Variants in CSGALNACT1 observed in about 807,000 individuals in gnomAD.
CSGALNACT1 encodes beta4GalNAcT-1.
A neutral mutation model predicts 51.0 loss-of-function variants in CSGALNACT1; 52 were observed. The observed-to-expected ratio is 1.02, with a 90% CI of 0.82 to 1.29. The LOEUF (loss-of-function observed/expected upper bound fraction) is 1.29, where lower values mean the gene tolerates loss of function less well. Among genes scored for constraint, CSGALNACT1 ranks in the 50% most tolerant of loss-of-function variants. The probability of loss-of-function intolerance (pLI) is 0.00; values close to 1 mark genes in which losing one functional copy is unlikely to be tolerated. For missense variants in CSGALNACT1, 935 were observed against 679.2 expected (o/e 1.38, Z -4.19); for synonymous variants, 341 against 254.4 (o/e 1.34, Z -3.24).
intron 1 of CSGALNACT1, among the ~76,000 whole-genome samples, chr8:19,653,239 G>C (rs1192819583): frequency 1.3e-5 from 2 of 152,062 alleles, no homozygotes; most frequent in African/African-American, 2.4e-5. Flanking sequence ...TCCTGTCCTT[G>C]TAGCTTTCTC....
intron 5 of CSGALNACT1, among the ~76,000 whole-genome samples, chr8:19,447,428 A>T (rs1355067334): frequency 6.6e-6 from 1 of 152,150 alleles, no homozygotes; most frequent in East Asian, 1.9e-4. Context: ...GATATGATGG[A>T]CTGGTGACAG....
At chr8:19,698,986 T>C (rs755299693) in intron 1 of CSGALNACT1, among the ~76,000 whole-genome samples, 2 of 152,200 alleles carry the variant, frequency 1.3e-5, no homozygotes, top group Non-Finnish European at 1.5e-5. Context: ...TCATAATACC[T>C]GACGCAATGT....
In CSGALNACT1 at chr8:19,420,178, G is replaced by A. The variant is rs140518084; in HGVS notation, c.1132+162C>T. 5.1e-4 allele frequency among the ~76,000 whole-genome samples: 77 copies of A among 152,242 alleles called. 1 individual carries two copies. The highest frequency in any genetic ancestry group is 1.5e-3 in the African/African-American group (64 of 41,536). ...TCTCAGGTGTGTCTTTATTAGCCGCGTGAGAACAGACTAATACAGATGGTT... is the reference window on the plus strand; with the variant it reads ...TCTCAGGTGTGTCTTTATTAGCCGCATGAGAACAGACTAATACAGATGGTT... On this transcript the variant is annotated intron_variant, in intron 7 of 9. Coordinates refer to ENST00000454498, the Ensembl canonical transcript of CSGALNACT1.
At chr8:19,424,422 C>T (rs977858565) in intron 6 of CSGALNACT1, among the ~76,000 whole-genome samples, 1 of 152,154 alleles carries the variant, frequency 6.6e-6, no homozygotes, top group Non-Finnish European at 1.5e-5. Flanking sequence ...CCTCCAACTC[C>T]TCTCTTGCCA....
chr8:19,444,162 CT>C (rs1420627059), intron 5 of CSGALNACT1, among the ~76,000 whole-genome samples: 1 of 152,168 alleles, frequency 6.6e-6, no homozygotes, highest in African/African-American at 2.4e-5. Context: ...TTGGGGCCCC[CT>C]GTCTTATAAC....
chr8:19,454,075 C>T (rs1008085858), intron 5 of CSGALNACT1, among the ~76,000 whole-genome samples: 6 of 152,250 alleles, frequency 3.9e-5, no homozygotes, highest in Non-Finnish European at 7.3e-5. Context: ...TCTTACACTT[C>T]ACCAGATCAT....
chr8:19,521,467 G>A (rs1233681486), intron 3 of CSGALNACT1, among the ~76,000 whole-genome samples: 1 of 152,206 alleles, frequency 6.6e-6, no homozygotes, highest in Non-Finnish European at 1.5e-5. Flanking sequence ...TACATCACTT[G>A]AGGTCAGGAG....
intron 1 of CSGALNACT1, among the ~76,000 whole-genome samples, chr8:19,649,384 G>A (rs915910557): frequency 6.6e-6 from 1 of 152,098 alleles, no homozygotes; most frequent in Non-Finnish European, 1.5e-5. Flanking sequence ...TGAATCTTTG[G>A]TATTCTATAC....
chr8:19,643,545 A>G (rs968634247), intron 1 of CSGALNACT1, among the ~76,000 whole-genome samples: 2 of 152,040 alleles, frequency 1.3e-5, no homozygotes, highest in Non-Finnish European at 2.9e-5. Flanking sequence ...GGCTAAGACA[A>G]AAGAGTTGCT....
intron 1 of CSGALNACT1, among the ~76,000 whole-genome samples, chr8:19,714,282 A>G (rs910763782): frequency 1.3e-5 from 2 of 151,764 alleles, no homozygotes; most frequent in South Asian, 2.1e-4. Context: ...CTGAATTATA[A>G]TTTTGTCTTT....
chr8:19,460,913 G>A (rs2065220719), intron 4 of CSGALNACT1, among the ~76,000 whole-genome samples: 1 of 152,114 alleles, frequency 6.6e-6, no homozygotes, highest in South Asian at 2.1e-4. Context: ...CCACAGAGAG[G>A]AGTGTGGTCC....
At chr8:19,464,411 C>T (rs917371669) in intron 4 of CSGALNACT1, among the ~76,000 whole-genome samples, 1 of 152,156 alleles carries the variant, frequency 6.6e-6, no homozygotes, top group African/African-American at 2.4e-5. Context: ...CACAGTCCAG[C>T]CTTCAAGATG....
intron 3 of CSGALNACT1, among the ~76,000 whole-genome samples, chr8:19,533,679 CTCTT>C (rs948070488): frequency 1.3e-5 from 2 of 152,102 alleles, no homozygotes; most frequent in African/African-American, 4.8e-5. Context: ...ATGGCTCTTC[CTCTT>C]TCTGTGTATT....
At chr8:19,544,393 A>C (rs1445858669) in intron 3 of CSGALNACT1, among the ~76,000 whole-genome samples, 1 of 152,244 alleles carries the variant, frequency 6.6e-6, no homozygotes, top group Non-Finnish European at 1.5e-5. Flanking sequence ...TTTATTATTG[A>C]AATACTGAAC....
Position 19,405,896 on chromosome 8 carries a change from G to A in CSGALNACT1, c.1483C>T (p.Gln495Ter), listed in dbSNP as rs1267828316. 2 of 1,614,120 alleles carry A rather than the reference G, an allele frequency of 1.2e-6. No homozygotes were observed. The highest frequency in any genetic ancestry group is 1.7e-6 in the Non-Finnish European group (2 of 1,180,020). The change falls in exon 10 of 10, where the codon CAG (glutamine) becomes TAG (stop). Residue 495 changes from glutamine (Q) to a stop codon, truncating the protein, a stop_gained. Transcript: ENST00000454498. LOFTEE classifies it high-confidence loss of function. ...GATGCCTCGTTCATGGCCTTGGACT[G>A]CATGCACATCTTGTACTGCTCGGGG...
chr8:19,452,274 C>A (rs899498076), intron 5 of CSGALNACT1, among the ~76,000 whole-genome samples: 1 of 152,152 alleles, frequency 6.6e-6, no homozygotes, highest in Non-Finnish European at 1.5e-5. Context: ...AGGGAAGACA[C>A]AAGAGACCTT....
chr8:19,689,700 G>T (rs1031446514), intron 1 of CSGALNACT1, among the ~76,000 whole-genome samples: 1 of 152,276 alleles, frequency 6.6e-6, no homozygotes, highest in East Asian at 1.9e-4. Context: ...CCAAAATAGA[G>T]TCACTCATGC....
chr8:19,570,981 GTATT>G (rs1037301762), intron 3 of CSGALNACT1, among the ~76,000 whole-genome samples: 5 of 152,148 alleles, frequency 3.3e-5, no homozygotes, highest in Admixed American at 6.5e-5. Flanking sequence ...TCTGATTTAT[GTATT>G]TATTTATTTT....
intron 4 of CSGALNACT1, among the ~76,000 whole-genome samples, chr8:19,477,962 G>A (rs772364815): frequency 6.6e-5 from 10 of 152,154 alleles, no homozygotes; most frequent in Non-Finnish European, 1.2e-4. Flanking sequence ...GATGTTTGAT[G>A]AAGAGTAACA....
Sources: gnomAD v4.1 joint callset for allele counts (sites outside exome capture counted in the v4.1 genomes callset) on GRCh38, gnomAD v4.1.1 for gene constraint, MANE v1.5 for transcripts, NCBI Gene and HGNC (gene_info 2026-07-23, HGNC 2026-07-21) for gene names.